The following NXPH1 variants were observed in gnomAD, a reference collection of about 807,000 sequenced individuals.
NXPH1 encodes neurexophilin-1.
Under a neutral mutation model 23.7 loss-of-function variants are expected in NXPH1, and 5 were observed. That is an observed-to-expected ratio of 0.21 (90% confidence interval 0.11 to 0.44). The LOEUF (loss-of-function observed/expected upper bound fraction) is 0.44. NXPH1 is among the 20% of genes least tolerant of loss of function. The pLI is 0.99. For synonymous variants in NXPH1, 144 were observed against 122.2 expected, an observed-to-expected ratio of 1.18 and a Z score of -1.18; for missense variants, 324 against 321.6, an observed-to-expected ratio of 1.01 and a Z score of -0.06.
chr7:8,471,751 C>T (rs1055494827), intron 2 of NXPH1, among the ~76,000 whole-genome samples: 18 of 152,168 alleles, frequency 1.2e-4, no homozygotes, highest in African/African-American at 2.6e-4. Context: ...AAAACAAGTA[C>T]GCTATTACTC....
chr7:8,748,260 A>G (rs1010019387), intron 2 of NXPH1, among the ~76,000 whole-genome samples: 1 of 152,232 alleles, frequency 6.6e-6, no homozygotes, highest in African/African-American at 2.4e-5. Context: ...TGGTATGAAG[A>G]AAATCTGTAA....
At position 8,660,191 on chromosome 7, in the gene NXPH1, AT is replaced by A. The variant is rs1820650165; in HGVS notation, c.55-90815del. 2.6e-5 allele frequency among the ~76,000 whole-genome samples: 4 copies of A among 152,224 alleles called. No homozygotes were observed. In the South Asian group the frequency reaches 8.3e-4, roughly 31 times the overall value. On this transcript the variant is annotated intron_variant, in intron 2 of 2. Coordinates refer to ENST00000405863, the MANE Select transcript of NXPH1 (RefSeq NM_152745.3). ...AAATTATTTCGTTTTAATTCTTAAA[AT>A]TACACTGCCAGATAGGCATTAATTT...
intron 2 of NXPH1, among the ~76,000 whole-genome samples, chr7:8,675,812 C>G (rs1820943423): frequency 6.6e-6 from 1 of 152,144 alleles, no homozygotes; most frequent in South Asian, 2.1e-4. Context: ...AAATATGGGT[C>G]TCTTTCTTGT....
intron 2 of NXPH1, among the ~76,000 whole-genome samples, chr7:8,748,187 A>G (rs753433921): frequency 1.3e-5 from 2 of 152,208 alleles, no homozygotes; most frequent in Non-Finnish European, 2.9e-5. Context: ...TGCTAAAGCA[A>G]CGATTTTGCT....
At chr7:8,459,351 A>G (rs1202393579) in intron 2 of NXPH1, among the ~76,000 whole-genome samples, 2 of 152,132 alleles carry the variant, frequency 1.3e-5, no homozygotes, top group Non-Finnish European at 2.9e-5. Context: ...GAGATGTGAC[A>G]AACTGATTTA....
At chr7:8,582,157 C>T (rs947983378) in intron 2 of NXPH1, among the ~76,000 whole-genome samples, 3 of 152,176 alleles carry the variant, frequency 2.0e-5, no homozygotes, top group Non-Finnish European at 4.4e-5. Context: ...GCACTGGCAT[C>T]TGGATGAGGG....
chr7:8,508,911 G>C (rs1817571280), intron 2 of NXPH1, among the ~76,000 whole-genome samples: 2 of 152,166 alleles, frequency 1.3e-5, no homozygotes, highest in African/African-American at 4.8e-5. Context: ...GGGCACATTA[G>C]AGGAAATAGG....
intron 2 of NXPH1, among the ~76,000 whole-genome samples, chr7:8,496,871 A>AT (rs1279019651): frequency 1.3e-5 from 2 of 152,034 alleles, no homozygotes; most frequent in Admixed American, 6.6e-5. Flanking sequence ...ATAAAAACAG[A>AT]TTTTTTAAAA....
intron 2 of NXPH1, among the ~76,000 whole-genome samples, chr7:8,599,407 C>A (rs1819303593): frequency 6.6e-6 from 1 of 152,086 alleles, no homozygotes. Context: ...CTCCTCTGGG[C>A]TCATCATTTT....
At chr7:8,468,265 T>C (rs1486653723) in intron 2 of NXPH1, among the ~76,000 whole-genome samples, 3 of 152,186 alleles carry the variant, frequency 2.0e-5, no homozygotes, top group Middle Eastern at 3.4e-3. Flanking sequence ...AATGGCCAAG[T>C]AAGAATGATC....
At chr7:8,458,013 T>C (rs1403270223) in intron 2 of NXPH1, among the ~76,000 whole-genome samples, 1 of 152,358 alleles carries the variant, frequency 6.6e-6, no homozygotes, top group East Asian at 1.9e-4. Flanking sequence ...AATGTTTTTA[T>C]TGAATTATTT....
At chr7:8,546,410 C>T (rs191085362) in intron 2 of NXPH1, among the ~76,000 whole-genome samples, 8 of 151,302 alleles carry the variant, frequency 5.3e-5, no homozygotes, top group Admixed American at 1.3e-4. Context: ...AGTATTCCAG[C>T]GTAATTAATT....
chr7:8,524,776 T>C (rs1324928260), intron 2 of NXPH1, among the ~76,000 whole-genome samples: 1 of 152,182 alleles, frequency 6.6e-6, no homozygotes, highest in Non-Finnish European at 1.5e-5. Context: ...CATCCTCATT[T>C]TTCTCTTGCT....
At chr7:8,677,804 T>G (rs1820975646) in intron 2 of NXPH1, among the ~76,000 whole-genome samples, 1 of 139,354 alleles carries the variant, frequency 7.2e-6, no homozygotes, top group Non-Finnish European at 1.5e-5. Context: ...ATTTTACAGG[T>G]TATAAATTGA....
At chr7:8,561,646 C>T (rs1818448243) in intron 2 of NXPH1, among the ~76,000 whole-genome samples, 1 of 151,528 alleles carries the variant, frequency 6.6e-6, no homozygotes, top group South Asian at 2.1e-4. Context: ...GACTTTTCTG[C>T]TAGACTAGTC....
intron 2 of NXPH1, among the ~76,000 whole-genome samples, chr7:8,481,994 G>T (rs1323148224): frequency 1.3e-5 from 2 of 152,160 alleles, no homozygotes; most frequent in African/African-American, 4.8e-5. Context: ...CGCACATGCA[G>T]CCTTGTTGCC....
intron 2 of NXPH1, among the ~76,000 whole-genome samples, chr7:8,490,062 C>T (rs1007121022): frequency 6.6e-6 from 1 of 152,052 alleles, no homozygotes; most frequent in Non-Finnish European, 1.5e-5. Context: ...AAAGGAGTGT[C>T]CTTCAGTATC....
chr7:8,726,114 CTG>C (rs1361699177), intron 2 of NXPH1, among the ~76,000 whole-genome samples: 4 of 151,926 alleles, frequency 2.6e-5, no homozygotes, highest in Non-Finnish European at 5.9e-5. Context: ...ATTGGATAAG[CTG>C]TGTTATTATT....
chr7:8,439,208 G>A (rs1816249372), intron 2 of NXPH1, among the ~76,000 whole-genome samples: 1 of 152,192 alleles, frequency 6.6e-6, no homozygotes, highest in South Asian at 2.1e-4. Context: ...TGGGATGGCA[G>A]GATGATAGCA....
Sources: allele counts gnomAD v4.1 joint callset (sites outside exome capture counted in the v4.1 genomes callset), GRCh38; gene constraint gnomAD v4.1.1; transcripts MANE v1.5; gene names NCBI Gene and HGNC (gene_info 2026-07-23, HGNC 2026-07-21).